FBXW7: variants seen among roughly 807,000 people sequenced by gnomAD.
FBXW7 encodes F-box and WD repeat domain containing 7, also known as F-box/WD repeat-containing protein 7.
In FBXW7, 11 loss-of-function variants were observed where a neutral mutation model predicts 86.3. The ratio of observed to expected loss-of-function variants is 0.13; its 90% CI spans 0.08 to 0.21. The LOEUF is 0.21. Ranked by LOEUF, FBXW7 falls within the 10% of genes least tolerant of loss-of-function variation. FBXW7 has a pLI of 1.00. For synonymous variants in FBXW7, 313 were observed against 297.9 expected (o/e 1.05, Z -0.52); for missense variants, 488 against 847.4 (o/e 0.58, Z 5.27).
chr4:152,322,633 C>T lies in FBXW7; in HGVS notation c.*248G>A. On this transcript the variant is annotated 3_prime_UTR_variant, in exon 14 of 14. Transcript: ENST00000281708. ...AGAAAGTCTCATTTTGCAAAGCTGCCCTCAGTCAAAAGTGAAGCCTTTTAT... is the reference window on the plus strand; with the variant it reads ...AGAAAGTCTCATTTTGCAAAGCTGCTCTCAGTCAAAAGTGAAGCCTTTTAT... 1.9e-6 allele frequency: 1 copy of T among 516,526 alleles called. No homozygotes were observed. Among genetic ancestry groups the T allele is most frequent in the Non-Finnish European group, 3.2e-6 (1 of 310,066 alleles). The allele number at this position is 516,526 out of a possible 1,614,324, so 32.0% of individuals were successfully genotyped here.
intron 2 of FBXW7, among the ~76,000 whole-genome samples, chr4:152,468,796 T>C (rs1038577603): frequency 1.3e-5 from 2 of 152,054 alleles, no homozygotes; most frequent in Non-Finnish European, 2.9e-5. Context: ...ATGATAAGCA[T>C]ATAACACAAA....
chr4:152,491,172 A>G (rs898981689), intron 2 of FBXW7, among the ~76,000 whole-genome samples: 17 of 152,270 alleles, frequency 1.1e-4, no homozygotes, highest in Admixed American at 9.8e-4. Context: ...ATAAAATCAG[A>G]AAGAAACCAT....
chr4:152,471,190 G>GAAAAAAA (rs139335427), intron 2 of FBXW7, among the ~76,000 whole-genome samples: 1 of 149,874 alleles, frequency 6.7e-6, no homozygotes. Context: ...GAAAAGGTGG[G>GAAAAAAA]AAAAAAAATA....
intron 4 of FBXW7, chr4:152,352,435 A>G: frequency 6.2e-7 from 1 of 1,612,942 alleles, no homozygotes; most frequent in Non-Finnish European, 8.5e-7. Context: ...ATACACACAC[A>G]ATCACATAGC....
intron 4 of FBXW7, among the ~76,000 whole-genome samples, chr4:152,406,328 G>C (rs982830684): frequency 3.3e-5 from 5 of 151,856 alleles, no homozygotes; most frequent in African/African-American, 1.2e-4. Context: ...GGGCACGGTG[G>C]TCCACGCCTG....
At chr4:152,494,733 C>CACCACTATCTTCCCA (rs1746166355) in intron 2 of FBXW7, among the ~76,000 whole-genome samples, 3 of 152,268 alleles carry the variant, frequency 2.0e-5, no homozygotes, top group African/African-American at 7.2e-5. Flanking sequence ...ATGAGGAATA[C>CACCACTATCTTCCCA]ACCACTATCT....
chr4:152,339,974 G>GCT (rs1730561611), intron 6 of FBXW7, among the ~76,000 whole-genome samples: 1 of 150,576 alleles, frequency 6.6e-6, no homozygotes, highest in Admixed American at 6.6e-5. Context: ...TTTTATCAAG[G>GCT]CTTTTGGAGG....
At chr4:152,341,655 G>C (rs1262064007) in intron 6 of FBXW7, among the ~76,000 whole-genome samples, 4 of 152,172 alleles carry the variant, frequency 2.6e-5, no homozygotes, top group African/African-American at 9.7e-5. Flanking sequence ...TCTCTAGAGA[G>C]TGTTTCTATT....
At position 152,338,278 on chromosome 4, in the gene FBXW7, A is replaced by G. The variant is rs539577228; in HGVS notation, c.727-342T>C. Among the ~76,000 whole-genome samples the G allele has an allele frequency of 4.3e-4, 66 of 152,226 alleles. No homozygotes were observed. The Middle Eastern group carries it at 0.014, about 31-fold the overall frequency. ...GAAACATCATTTTGGGTTACTGAGTAAATAATAGAAAATTTTGACAATTTC... is the reference window on the plus strand; with the variant it reads ...GAAACATCATTTTGGGTTACTGAGTGAATAATAGAAAATTTTGACAATTTC... On this transcript the variant is annotated intron_variant, in intron 6 of 13. Transcript: ENST00000281708.
chr4:152,351,752 C>A (rs746533485), intron 4 of FBXW7, among the ~76,000 whole-genome samples: 11 of 152,122 alleles, frequency 7.2e-5, no homozygotes, highest in Middle Eastern at 3.4e-3. Flanking sequence ...GTTTGTAATA[C>A]TGGCTTTCAG....
chr4:152,329,815 T>C (rs747552028), intron 9 of FBXW7, 30 bp from the exon 10 acceptor site: 3 of 1,283,366 alleles, frequency 2.3e-6, no homozygotes, highest in Non-Finnish European at 3.2e-6. Context: ...ATTAGAAATA[T>C]GTTAATTAAA....
At chr4:152,520,976 T>C (rs1748958137) in intron 2 of FBXW7, among the ~76,000 whole-genome samples, 1 of 152,184 alleles carries the variant, frequency 6.6e-6, no homozygotes, top group Non-Finnish European at 1.5e-5. Flanking sequence ...ACTAAGCACT[T>C]GGAAACAAAG....
At chr4:152,335,341 G>A (rs562900735) in intron 7 of FBXW7, among the ~76,000 whole-genome samples, 1 of 151,294 alleles carries the variant, frequency 6.6e-6, no homozygotes, top group Non-Finnish European at 1.5e-5. Context: ...GGTGGCACAT[G>A]CCTGTAGTCC....
chr4:152,418,127 C>CCACACACACACA (rs3047865), intron 2 of FBXW7, among the ~76,000 whole-genome samples: 187 of 143,932 alleles, frequency 1.3e-3, no homozygotes, highest in African/African-American at 4.1e-3. Flanking sequence ...ACAGCTCTTA[C>CCACACACACACA]CACACACACA....
At chr4:152,417,010 C>T (rs1490669293) in intron 2 of FBXW7, among the ~76,000 whole-genome samples, 2 of 152,086 alleles carry the variant, frequency 1.3e-5, no homozygotes, top group African/African-American at 2.4e-5. Flanking sequence ...TCTCCTGTCC[C>T]TTAATTTTCC....
chr4:152,366,687 G>A (rs1224799453), intron 4 of FBXW7, among the ~76,000 whole-genome samples: 2 of 152,110 alleles, frequency 1.3e-5, no homozygotes, highest in Non-Finnish European at 2.9e-5. Flanking sequence ...CTGTTGGTGG[G>A]ACTATAAACT....
chr4:152,460,013 T>C (rs1468874238), intron 2 of FBXW7, among the ~76,000 whole-genome samples: 1 of 152,186 alleles, frequency 6.6e-6, no homozygotes, highest in Admixed American at 6.5e-5. Flanking sequence ...TACTGCTTAG[T>C]AGGTACAGAG....
intron 2 of FBXW7, among the ~76,000 whole-genome samples, chr4:152,417,787 C>T (rs1176352658): frequency 6.6e-6 from 1 of 152,094 alleles, no homozygotes; most frequent in African/African-American, 2.4e-5. Flanking sequence ...TGCTTGACAG[C>T]CTCCATCTAT....
chr4:152,369,346 C>T (rs1733786798), intron 4 of FBXW7, among the ~76,000 whole-genome samples: 1 of 152,046 alleles, frequency 6.6e-6, no homozygotes, highest in Admixed American at 6.6e-5. Context: ...GTCCAACTGA[C>T]CCTATAATCC....
Sources: allele counts gnomAD v4.1 joint callset (sites outside exome capture counted in the v4.1 genomes callset), GRCh38; gene constraint gnomAD v4.1.1; transcripts MANE v1.5; gene names NCBI Gene and HGNC (gene_info 2026-07-23, HGNC 2026-07-21).